EML6: variants seen among roughly 807,000 people sequenced by gnomAD.
EML6 encodes the protein EMAP like 6.
In EML6, 154 loss-of-function variants were observed where a neutral mutation model predicts 240.1. The observed-to-expected ratio is 0.64, with a 90% CI of 0.56 to 0.73. EML6 has a LOEUF of 0.73. Ranked by LOEUF, EML6 falls within the 30% of genes least tolerant of loss-of-function variation. The pLI is 0.00. For synonymous variants in EML6, 1,148 were observed against 899.0 expected (o/e 1.28, Z -4.95); for missense variants, 2,964 against 2,474.6 (o/e 1.20, Z -4.20).
At position 54,771,838 on chromosome 2, in the gene EML6, CAAG is replaced by C. The variant is rs538130303; in HGVS notation, c.198-41386_198-41384del. ...GATAGTTTCATTTGTGTTACCTCTT[CAAG>C]AAGAAGATTAGAATTAAATTGACTA... On this transcript the variant is annotated intron_variant, in intron 2 of 41. Coordinates refer to ENST00000356458, the MANE Select transcript of EML6 (RefSeq NM_001039753.4). Among the ~76,000 whole-genome samples the C allele has an allele frequency of 3.5e-3, 527 of 152,250 alleles. 1 individual carries two copies. The highest frequency in any genetic ancestry group is 5.3e-3 in the Non-Finnish European group (363 of 68,010).
rs915683061 is a variant in EML6 at position 54,851,255 on chromosome 2, A to C, written c.1444+1037A>C. ...GAAGTCCCATCTCTGCTAAAGATAC[A>C]AAAAAAAATCAGCCAGGCGCGGTGG... is the stretch of plus-strand genomic sequence containing the variant. On this transcript the variant is annotated intron_variant, in intron 10 of 41. Transcript: ENST00000356458. 2.4e-4 allele frequency among the ~76,000 whole-genome samples: 35 copies of C among 143,132 alleles called. No individual in the cohort carries two copies. The East Asian group carries it at 4.3e-3, about 17-fold the overall frequency. The allele number at this position is 143,132 out of a possible 152,430, so 93.9% of individuals were successfully genotyped here.
intron 2 of EML6, among the ~76,000 whole-genome samples, chr2:54,810,911 CT>C (rs1163128116): frequency 6.6e-6 from 1 of 152,164 alleles, no homozygotes; most frequent in Admixed American, 6.5e-5. Flanking sequence ...GTTAGGCCAT[CT>C]TTTCCCAGGA....
At chr2:54,824,506 T>C (rs1668494446) in intron 5 of EML6, among the ~76,000 whole-genome samples, 2 of 152,214 alleles carry the variant, frequency 1.3e-5, no homozygotes, top group Admixed American at 1.3e-4. Context: ...CATTGAATGA[T>C]TCCAGTCATA....
chr2:54,823,932 T>A (rs1668463849), intron 5 of EML6, among the ~76,000 whole-genome samples: 1 of 147,878 alleles, frequency 6.8e-6, no homozygotes, highest in Admixed American at 6.9e-5. Flanking sequence ...AAATTAAAGA[T>A]AATTACATTA....
At chr2:54,961,184 G>GTTGTTTTTTTTTTTTTGGTTTTTTTTT in intron 35 of EML6, among the ~76,000 whole-genome samples, 1 of 55,424 alleles carries the variant, frequency 1.8e-5, no homozygotes, top group Admixed American at 2.7e-4. Flanking sequence ...TCAGGAAGTA[G>GTTGTTTTTTTTTTTTTGGTTTTTTTTT]TTTTTTTTTT....
intron 20 of EML6, 61 bp downstream of exon 20, chr2:54,895,087 TA>T: frequency 7.2e-7 from 1 of 1,398,510 alleles, no homozygotes; most frequent in Non-Finnish European, 9.9e-7. Flanking sequence ...AAGATTGTAC[TA>T]AAGTTTTTAG....
At chr2:54,762,155 G>C (rs1668006798) in intron 2 of EML6, among the ~76,000 whole-genome samples, 1 of 152,074 alleles carries the variant, frequency 6.6e-6, no homozygotes, top group Admixed American at 6.6e-5. Flanking sequence ...AAGTGCCTAA[G>C]CCTCTCTTTA....
chr2:54,809,746 C>G (rs1172456723), intron 2 of EML6, among the ~76,000 whole-genome samples: 1 of 152,176 alleles, frequency 6.6e-6, no homozygotes, highest in African/African-American at 2.4e-5. Context: ...TTGATACCTT[C>G]TATTCTCTTG....
intron 7 of EML6, among the ~76,000 whole-genome samples, chr2:54,832,298 T>A (rs1668911774): frequency 6.6e-6 from 1 of 152,196 alleles, no homozygotes; most frequent in South Asian, 2.1e-4. Flanking sequence ...TCTAAGGTGC[T>A]CTGTTGCGCT....
rs373243951 is a variant in EML6 at position 54,928,792 on chromosome 2, T to C, written c.4004+41T>C. On this transcript the variant is annotated intron_variant, in intron 28 of 41. Transcript: ENST00000356458. ...GTTTGCTTGCTTTTATTATACCTGATGACAAGAAACTTGTTTAAGCCAGAG... is the reference window on the plus strand; with the variant it reads ...GTTTGCTTGCTTTTATTATACCTGACGACAAGAAACTTGTTTAAGCCAGAG... The C allele has an allele frequency of 1.2e-4, 180 of 1,550,946 alleles. 2 individuals carry two copies. In the African/African-American group the frequency reaches 2.3e-3, roughly 20 times the overall value.
chr2:54,880,818 A>T (rs1671772025), intron 17 of EML6: 1 of 152,192 alleles, frequency 6.6e-6, no homozygotes, highest in South Asian at 2.1e-4. Context: ...ATCTGCCTTT[A>T]CAGATAATTT....
chr2:54,899,622 C>T lies in EML6; in HGVS notation c.2983-19C>T, dbSNP rs1672951747. 3.9e-6 allele frequency: 6 copies of T among 1,551,014 alleles called. No individual in the cohort carries two copies. In the East Asian group the frequency reaches 1.2e-4, roughly 32 times the overall value. On this transcript the variant is annotated intron_variant, in intron 21 of 41. Transcript: ENST00000356458. ...ACAGCATAAGTAGAGTTTATGTTGC[C>T]CCTTTTCCTCTCCCACAGGGGCACA...
chr2:54,896,728 C>T (rs184487403), intron 21 of EML6, among the ~76,000 whole-genome samples: 16 of 152,282 alleles, frequency 1.1e-4, no homozygotes, highest in Non-Finnish European at 1.2e-4. Flanking sequence ...TGCTGTATTA[C>T]GAGTGAATCC....
intron 2 of EML6, among the ~76,000 whole-genome samples, chr2:54,793,594 C>G (rs1669587217): frequency 1.3e-5 from 2 of 152,178 alleles, no homozygotes; most frequent in African/African-American, 4.8e-5. Context: ...GTGGAAGAGA[C>G]TGCCAGTTGC....
At chr2:54,801,905 C>G (rs536921655) in intron 2 of EML6, among the ~76,000 whole-genome samples, 7 of 152,222 alleles carry the variant, frequency 4.6e-5, no homozygotes, top group Admixed American at 3.9e-4. Flanking sequence ...CTACTGTTAT[C>G]AAGAATAAGT....
intron 2 of EML6, among the ~76,000 whole-genome samples, chr2:54,747,916 A>G (rs922090754): frequency 6.6e-6 from 1 of 152,178 alleles, no homozygotes; most frequent in African/African-American, 2.4e-5. Context: ...CTTTATATTA[A>G]TACTTGGATT....
intron 5 of EML6, among the ~76,000 whole-genome samples, chr2:54,825,520 C>T (rs551312835): frequency 6.6e-6 from 1 of 152,160 alleles, no homozygotes; most frequent in Non-Finnish European, 1.5e-5. Context: ...GCCTTGGCTT[C>T]CCAAAGTGCT....
intron 2 of EML6, among the ~76,000 whole-genome samples, chr2:54,751,692 C>T (rs1204665589): frequency 6.6e-6 from 1 of 152,084 alleles, no homozygotes; most frequent in Non-Finnish European, 1.5e-5. Context: ...TCAGTTTAGA[C>T]AGAACATGTT....
intron 26 of EML6, among the ~76,000 whole-genome samples, chr2:54,922,274 CAT>C (rs1163949679): frequency 2.0e-5 from 3 of 152,128 alleles, no homozygotes; most frequent in African/African-American, 7.2e-5. Flanking sequence ...CCAAAGAAGA[CAT>C]AGAAATGGCC....
Sources: gnomAD v4.1 joint callset for allele counts (sites outside exome capture counted in the v4.1 genomes callset) on GRCh38, gnomAD v4.1.1 for gene constraint, MANE v1.5 for transcripts, NCBI Gene and HGNC (gene_info 2026-07-23, HGNC 2026-07-21) for gene names.